The following GRIK4 variants were observed in gnomAD, a reference collection of about 807,000 sequenced individuals.
GRIK4 encodes glutamate receptor ionotropic, kainate 4.
Under a neutral mutation model 104.9 loss-of-function variants are expected in GRIK4, and 40 were observed. The ratio of observed to expected loss-of-function variants is 0.38; its 90% confidence interval spans 0.30 to 0.50. GRIK4 has a LOEUF of 0.50. GRIK4 is among the 20% of genes least tolerant of loss of function. The pLI is 0.93. For synonymous variants in GRIK4, 485 were observed against 524.9 expected (o/e 0.92, Z 1.04); for missense variants, 1,047 against 1,308.1 (o/e 0.80, Z 3.08).
At chr11:120,818,284 A>T (rs1591952336) in intron 5 of GRIK4, among the ~76,000 whole-genome samples, 1 of 152,250 alleles carries the variant, frequency 6.6e-6, no homozygotes, top group Admixed American at 6.5e-5. Context: ...CCAGCCAGCC[A>T]GGCTACCCTG....
chr11:120,729,092 A>G (rs1420293836), intron 3 of GRIK4, among the ~76,000 whole-genome samples: 2 of 152,152 alleles, frequency 1.3e-5, no homozygotes, highest in African/African-American at 4.8e-5. Context: ...AAATAATATT[A>G]TCTCATTTTT....
At chr11:120,878,921 C>T (rs1032970263) in intron 11 of GRIK4, among the ~76,000 whole-genome samples, 37 of 152,156 alleles carry the variant, frequency 2.4e-4, no homozygotes, top group Admixed American at 2.2e-3. Context: ...CAAGGTGATG[C>T]TGGGCAGGGG....
In GRIK4 at chr11:120,909,025, G is replaced by A. The variant is rs1942934446; in HGVS notation, c.1476+3532G>A. Among the ~76,000 whole-genome samples the A allele has an allele frequency of 2.0e-5, 3 of 152,252 alleles. No homozygotes were observed. The South Asian group carries it at 6.2e-4, about 32-fold the overall frequency. On this transcript the variant is annotated intron_variant, in intron 13 of 20. Coordinates refer to ENST00000527524, the MANE Select transcript of GRIK4 (RefSeq NM_014619.5). Reference sequence around the variant, plus strand: ...AGCCCAAAGACGCCTCAGGGCTGGAGGCTCGAGGACAGGGTGCAAGGAGTG... The same window carrying A: ...AGCCCAAAGACGCCTCAGGGCTGGAAGCTCGAGGACAGGGTGCAAGGAGTG...
rs904706490 is a variant in GRIK4, at chr11:120,874,129, C to T, written c.970C>T (p.Arg324Trp). 7.4e-6 allele frequency: 12 copies of T among 1,613,906 alleles called. No homozygotes were observed. The highest frequency in any genetic ancestry group is 1.6e-4 in the Middle Eastern group (1 of 6,084). Reference protein sequence around the residue: ...AVVTAVQELNRSQEIGVKPLS... With the variant: ...AVVTAVQELNWSQEIGVKPLS... ...GGTGACTGCGGTGCAGGAACTGAAC[C>T]GGAGCCAAGAGATCGGCGTGAAGCC... Residue 324 changes from arginine to tryptophan, a missense_variant, in exon 10 of 21, where the codon CGG (arginine) becomes TGG (tryptophan). By Grantham distance (101) the Arg-to-Trp change is moderately radical (BLOSUM62 -3). Coordinates refer to ENST00000527524, the MANE Select transcript of GRIK4 (RefSeq NM_014619.5).
intron 3 of GRIK4, among the ~76,000 whole-genome samples, chr11:120,753,674 G>C (rs1181543135): frequency 6.6e-6 from 1 of 152,064 alleles, no homozygotes; most frequent in Non-Finnish European, 1.5e-5. Flanking sequence ...TAGGTGCTGT[G>C]GGGGAGACAA....
At chr11:120,743,851 T>C (rs1951383983) in intron 3 of GRIK4, among the ~76,000 whole-genome samples, 1 of 152,250 alleles carries the variant, frequency 6.6e-6, no homozygotes, top group Non-Finnish European at 1.5e-5. Context: ...AGCAATAGTA[T>C]CTGCCTTGAG....
intron 19 of GRIK4, among the ~76,000 whole-genome samples, chr11:120,978,607 A>G (rs377169208): frequency 1.0e-3 from 159 of 152,328 alleles, no homozygotes; most frequent in African/African-American, 3.7e-3. Context: ...AGGCAGGGAA[A>G]TAGTTTTAAA....
intron 17 of GRIK4, 30 bp downstream of exon 17, chr11:120,961,104 C>T (rs1430619229): frequency 1.2e-5 from 19 of 1,594,668 alleles, no homozygotes; most frequent in African/African-American, 2.7e-5. Context: ...TCACCAGCAT[C>T]GGGAATTGGG....
chr11:120,909,050 G>A (rs1942935177), intron 13 of GRIK4, among the ~76,000 whole-genome samples: 2 of 152,252 alleles, frequency 1.3e-5, no homozygotes. Context: ...TGCAAGGAGT[G>A]AGGTGAGGCA....
Position 120,953,701 on chromosome 11 carries a change from G to A in GRIK4, c.1700+737G>A, listed in dbSNP as rs1944064110. Among the ~76,000 whole-genome samples the A allele has an allele frequency of 6.6e-6, 1 of 152,196 alleles. No homozygotes were observed. Among genetic ancestry groups the A allele is most frequent in the African/African-American group, 2.4e-5 (1 of 41,444 alleles). On this transcript the variant is annotated intron_variant, in intron 15 of 20. Coordinates refer to ENST00000527524, the MANE Select transcript of GRIK4 (RefSeq NM_014619.5). This position sits in a 1 kb window ranked among gnomAD's most constrained non-coding sequence, Gnocchi z 4.9. ...ACCTGAGGAGCAGCCTGAGGCTGTG[G>A]CCTCCCAAGACTGTGCACAGCAAAG...
chr11:120,853,000 A>G (rs1954010806), intron 8 of GRIK4, among the ~76,000 whole-genome samples: 2 of 152,344 alleles, frequency 1.3e-5, no homozygotes, highest in Middle Eastern at 3.4e-3. Context: ...TTTAGTCAAC[A>G]GCCTTGACTT....
chr11:120,610,235 C>T (rs1949017594), intron 1 of GRIK4, among the ~76,000 whole-genome samples: 1 of 152,188 alleles, frequency 6.6e-6, no homozygotes, highest in Non-Finnish European at 1.5e-5. Context: ...TGCTCCCTTC[C>T]CCCAGAACAG....
At chr11:120,852,245 G>A (rs1410966569) in intron 8 of GRIK4, among the ~76,000 whole-genome samples, 2 of 152,198 alleles carry the variant, frequency 1.3e-5, no homozygotes, top group Non-Finnish European at 2.9e-5. Flanking sequence ...TGCTGAGGAG[G>A]TAAGAGGGCT....
chr11:120,724,944 A>G (rs3133227), intron 3 of GRIK4, among the ~76,000 whole-genome samples: 69,259 of 152,054 alleles, frequency 0.46, 16,509 homozygotes, highest in Middle Eastern at 0.53. Context: ...GTGATTCTAT[A>G]TAAGGGTGCA....
intron 3 of GRIK4, among the ~76,000 whole-genome samples, chr11:120,733,725 A>G (rs1780676997): frequency 6.7e-6 from 1 of 149,410 alleles, no homozygotes; most frequent in African/African-American, 2.5e-5. Context: ...TTCATTGTTT[A>G]GTCTTTCTCC....
intron 3 of GRIK4, among the ~76,000 whole-genome samples, chr11:120,688,570 CGATACTTCATCAGGTT>C: frequency 6.6e-6 from 1 of 152,212 alleles, no homozygotes; most frequent in South Asian, 2.1e-4. Context: ...CAGGAGGCCT[CGATACTTCATCAGGTT>C]TCTAATGATT....
chr11:120,891,758 G>T (rs1307068235), intron 11 of GRIK4, among the ~76,000 whole-genome samples: 1 of 152,200 alleles, frequency 6.6e-6, no homozygotes, highest in Admixed American at 6.5e-5. Flanking sequence ...GGAAGGAAAA[G>T]AACGTGGTTC....
At chr11:120,595,462 TCA>T (rs1948788795) in intron 1 of GRIK4, among the ~76,000 whole-genome samples, 1 of 152,220 alleles carries the variant, frequency 6.6e-6, no homozygotes, top group Non-Finnish European at 1.5e-5. Flanking sequence ...TGTATTTTGC[TCA>T]CCTTACAAGG....
intron 3 of GRIK4, among the ~76,000 whole-genome samples, chr11:120,780,609 G>A (rs532168479): frequency 6.6e-6 from 1 of 152,294 alleles, no homozygotes; most frequent in African/African-American, 2.4e-5. Context: ...ATATCAATTT[G>A]AGACCCTGCT....
Sources: gnomAD v4.1 joint callset for allele counts (sites outside exome capture counted in the v4.1 genomes callset) on GRCh38, gnomAD v4.1.1 for gene constraint, Gnocchi (gnomAD v3.1) non-coding constraint, MANE v1.5 for transcripts, NCBI Gene and HGNC (gene_info 2026-07-23, HGNC 2026-07-21) for gene names.